COCH: variants seen among roughly 807,000 people sequenced by gnomAD.
The protein encoded by COCH is cochlin, also known as coagulation factor C homolog, cochlin (Limulus polyphemus).
A neutral mutation model predicts 54.8 loss-of-function variants in COCH; 40 were observed. The observed-to-expected ratio is 0.73, with a 90% CI of 0.57 to 0.95. COCH has a LOEUF of 0.95. Ranked by LOEUF, COCH falls within the 40% of genes least tolerant of loss-of-function variation. The pLI is 0.00. For synonymous variants in COCH, 256 were observed against 237.9 expected, an observed-to-expected ratio of 1.08 and a Z score of -0.70; for missense variants, 605 against 675.0, an observed-to-expected ratio of 0.90 and a Z score of 1.15.
chr14:30,891,847 T>C (rs531498496), downstream of COCH, among the ~76,000 whole-genome samples: 2 of 152,342 alleles, frequency 1.3e-5, no homozygotes, highest in African/African-American at 2.4e-5. Context: ...TCAATAATTA[T>C]GTAAGTAAAC....
At chr14:30,888,210 G>A (rs1027382803) in intron 11 of COCH, among the ~76,000 whole-genome samples, 8 of 151,622 alleles carry the variant, frequency 5.3e-5, no homozygotes, top group Admixed American at 2.0e-4. Flanking sequence ...AAAGAAGTGA[G>A]GAAAACTGAG....
chr14:30,888,061 G>T (rs1244038634), intron 11 of COCH, among the ~76,000 whole-genome samples: 1 of 152,018 alleles, frequency 6.6e-6, no homozygotes, highest in East Asian at 1.9e-4. Context: ...TTTAGGGGTA[G>T]ATCACAACAG....
chr14:30,888,659 G>A (rs1281700275), intron 11 of COCH, among the ~76,000 whole-genome samples: 1 of 152,036 alleles, frequency 6.6e-6, no homozygotes, highest in Admixed American at 6.6e-5. Context: ...TTAGTGGCAT[G>A]CGCTTGTAGT....
At chr14:30,895,343 C>A, downstream of COCH, 8 of 1,477,186 alleles carry the variant, frequency 5.4e-6, no homozygotes, top group Non-Finnish European at 7.2e-6. Context: ...AGTAACCTTT[C>A]TGATGGCAGT....
intron 11 of COCH, among the ~76,000 whole-genome samples, chr14:30,887,736 A>G (rs185063394): frequency 2.7e-4 from 41 of 152,334 alleles, no homozygotes; most frequent in African/African-American, 8.4e-4. Flanking sequence ...ACCTCTGCCA[A>G]TGTACTCACA....
downstream of COCH, chr14:30,890,666 A>C (rs1157546534): frequency 1.8e-5 from 13 of 707,198 alleles, no homozygotes; most frequent in Non-Finnish European, 2.3e-5. Context: ...GGATATGGTA[A>C]AAATTCATGT....
At chr14:30,895,535 CAT>C (rs746671686), downstream of COCH, 7 of 1,614,116 alleles carry the variant, frequency 4.3e-6, no homozygotes, top group African/African-American at 1.3e-5. Context: ...TTCTTGCACA[CAT>C]GTCTTGCTGT....
intron 9 of COCH, 180 bp downstream of exon 9, chr14:30,884,836 AAAGTGTTG>A: frequency 7.0e-7 from 1 of 1,437,720 alleles, no homozygotes; most frequent in South Asian, 1.4e-5. Flanking sequence ...GAAGTATACC[AAAGTGTTG>A]ATATTTCTTA....
At chr14:30,879,070 G>T in intron 5 of COCH, 126 bp downstream of exon 5, 1 of 1,381,022 alleles carries the variant, frequency 7.2e-7, no homozygotes, top group Non-Finnish European at 1.0e-6. Flanking sequence ...CTGACCTATA[G>T]AGGTAAACTG....
rs1895764931 is a variant in COCH, at chr14:30,885,748, A to C, written c.961-48A>C. 3.1e-6 allele frequency: 5 copies of C among 1,609,532 alleles called. No homozygotes were observed. The Admixed American group carries it at 8.3e-5, about 27-fold the overall frequency. On this transcript the variant is annotated intron_variant, in intron 10 of 11. Transcript: ENST00000396618. ...CAGGATTTTCCAGTTTTTAAGAAGA[A>C]ACAACTTTTGATCCTTTTGGATATC...
chr14:30,885,090 T>C (rs28362773), intron 9 of COCH: 2 of 1,570,090 alleles, frequency 1.3e-6, no homozygotes, highest in East Asian at 4.5e-5. Context: ...TGCATGGAAG[T>C]GGGAATCAGT....
At chr14:30,886,570 T>C (rs1395401548) in intron 11 of COCH, among the ~76,000 whole-genome samples, 1 of 152,184 alleles carries the variant, frequency 6.6e-6, no homozygotes, top group Admixed American at 6.5e-5. Flanking sequence ...CTAACCACTG[T>C]ATTGTTGGGA....
At chr14:30,895,558 T>G, downstream of COCH, 1 of 1,613,872 alleles carries the variant, frequency 6.2e-7, no homozygotes, top group Non-Finnish European at 8.5e-7. Flanking sequence ...CTAAATTCCA[T>G]AATCTGATGG....
chr14:30,882,172 G>A (rs1214615569), intron 8 of COCH, among the ~76,000 whole-genome samples: 15 of 99,540 alleles, frequency 1.5e-4, no homozygotes, highest in African/African-American at 6.3e-4. Flanking sequence ...CTCTGTCACC[G>A]AGGCTGGAAT....
Position 30,889,909 on chromosome 14 carries a change from TCAA to T in COCH, c.*121_*123del. The T allele has an allele frequency of 6.9e-7, 1 of 1,441,736 alleles. No individual in the cohort carries two copies. Among genetic ancestry groups the T allele is most frequent in the African/African-American group, 1.4e-5 (1 of 69,966 alleles). 89.3% of individuals were successfully genotyped at this position (1,441,736 alleles called of 1,614,324 possible). Reference sequence around the variant, plus strand: ...ATCAGATACAAAACTATTAAGTATGTCAACAGCCATTTAGGCAAATAAGCACTC... The same window carrying T: ...ATCAGATACAAAACTATTAAGTATGTCAGCCATTTAGGCAAATAAGCACTC... On this transcript the variant is annotated 3_prime_UTR_variant, in exon 12 of 12. Coordinates refer to ENST00000396618, the MANE Select transcript of COCH (RefSeq NM_004086.3).
intron 8 of COCH, among the ~76,000 whole-genome samples, chr14:30,881,801 AC>A (rs1895597746): frequency 7.3e-6 from 1 of 137,006 alleles, no homozygotes; most frequent in Admixed American, 7.3e-5. Flanking sequence ...TACTAAAAAT[AC>A]AAAAAAAAAA....
rs575946401 is a variant in COCH, at chr14:30,889,845, T to C, written c.*54T>C. 43 of 1,579,610 alleles carry C rather than the reference T, an allele frequency of 2.7e-5. 1 individual carries two copies. The South Asian group carries it at 2.9e-4, about 11-fold the overall frequency. On this transcript the variant is annotated 3_prime_UTR_variant, in exon 12 of 12. Coordinates refer to ENST00000396618, the MANE Select transcript of COCH (RefSeq NM_004086.3). ...AGTACAAGGGGATCCAGTGTGTAAA[T>C]TGTATTCTCATAATACTGAAATGCT...
chr14:30,885,228 C>A, intron 9 of COCH, 166 bp from the exon 10 acceptor site: 1 of 919,934 alleles, frequency 1.1e-6, no homozygotes, highest in Non-Finnish European at 1.6e-6. Context: ...CCAGCTGATG[C>A]ATCTGTTACA....
intron 8 of COCH, among the ~76,000 whole-genome samples, chr14:30,881,825 G>A (rs925091702): frequency 1.8e-4 from 28 of 151,446 alleles, no homozygotes; most frequent in Admixed American, 4.6e-4. Flanking sequence ...TTAGCCGGGC[G>A]TGGTGGCAGG....
Sources: gnomAD v4.1 joint callset for allele counts (sites outside exome capture counted in the v4.1 genomes callset) on GRCh38, gnomAD v4.1.1 for gene constraint, MANE v1.5 for transcripts, NCBI Gene and HGNC (gene_info 2026-07-23, HGNC 2026-07-21) for gene names.